The following CALN1 variants were observed in gnomAD, a reference collection of about 807,000 sequenced individuals.
CALN1 encodes calneuron 1.
In CALN1, 17 loss-of-function variants were observed where a neutral mutation model predicts 30.6. That is an observed-to-expected ratio of 0.56 (90% CI 0.38 to 0.83). The LOEUF (loss-of-function observed/expected upper bound fraction) is 0.83. CALN1 is among the 40% of genes least tolerant of loss of function. The pLI, the probability that CALN1 is intolerant of heterozygous loss-of-function variation, is 0.00. For synonymous variants in CALN1, 156 were observed against 131.4 expected (o/e 1.19, Z -1.28); for missense variants, 291 against 354.9 (o/e 0.82, Z 1.45).
At chr7:71,833,372 T>C (rs1789405367) in intron 5 of CALN1, among the ~76,000 whole-genome samples, 1 of 152,032 alleles carries the variant, frequency 6.6e-6, no homozygotes, top group Non-Finnish European at 1.5e-5. Context: ...CAAGGATGAG[T>C]GCACATTGTC....
intron 3 of CALN1, among the ~76,000 whole-genome samples, chr7:72,136,189 A>G (rs1323659033): frequency 2.3e-5 from 3 of 133,132 alleles, no homozygotes; most frequent in Admixed American, 7.6e-5. Flanking sequence ...TTTTTTCTGC[A>G]TTGAAAAATC....
intron 5 of CALN1, among the ~76,000 whole-genome samples, chr7:71,843,327 A>G (rs1790049575): frequency 6.6e-6 from 1 of 152,150 alleles, no homozygotes; most frequent in Non-Finnish European, 1.5e-5. Context: ...ACTAAGAGTA[A>G]AAAATTTTAG....
chr7:72,094,406 C>T (rs1461597161), intron 4 of CALN1, among the ~76,000 whole-genome samples: 2 of 152,064 alleles, frequency 1.3e-5, no homozygotes, highest in South Asian at 2.1e-4. Context: ...AGGCGCACAC[C>T]ACAACACCCA....
intron 6 of CALN1, among the ~76,000 whole-genome samples, chr7:71,807,707 A>T: frequency 6.6e-6 from 1 of 151,958 alleles, no homozygotes; most frequent in South Asian, 2.1e-4. Context: ...TGGGATGCTG[A>T]GGAGGGGGAA....
At chr7:72,494,414 C>T in the CALN1 span, among the ~76,000 whole-genome samples, 81 of 152,208 alleles carry the variant, frequency 5.3e-4, no homozygotes, top group Non-Finnish European at 1.0e-3. Flanking sequence ...GGCACCCACG[C>T]CGTGCCAGGC....
chr7:71,830,885 G>A (rs1289009151), intron 5 of CALN1, among the ~76,000 whole-genome samples: 2 of 152,152 alleles, frequency 1.3e-5, no homozygotes, highest in African/African-American at 2.4e-5. Flanking sequence ...CACATAAAAA[G>A]TTAAGGAGAA....
intron 2 of CALN1, among the ~76,000 whole-genome samples, chr7:72,378,234 T>C (rs1490231558): frequency 1.3e-5 from 2 of 152,184 alleles, no homozygotes; most frequent in Non-Finnish European, 2.9e-5. Context: ...TTACATTTTT[T>C]TGTGAATGAG....
intron 3 of CALN1, among the ~76,000 whole-genome samples, chr7:72,252,598 G>A (rs1368309458): frequency 7.8e-6 from 1 of 127,904 alleles, no homozygotes; most frequent in Admixed American, 8.0e-5. Context: ...GACAGAGCAA[G>A]ACCCTGTCTC....
At chr7:71,851,527 A>G (rs751928575) in intron 5 of CALN1, among the ~76,000 whole-genome samples, 31 of 151,956 alleles carry the variant, frequency 2.0e-4, no homozygotes, top group South Asian at 4.2e-4. Context: ...CAAAAAAGAA[A>G]AAAACAGTAT....
chr7:72,382,207 A>G (rs868622833), intron 2 of CALN1, among the ~76,000 whole-genome samples: 2 of 152,214 alleles, frequency 1.3e-5, no homozygotes, highest in African/African-American at 2.4e-5. Flanking sequence ...GCTGTGACCC[A>G]GTAATGGCTA....
chr7:72,299,806 A>T (rs1799131022), intron 2 of CALN1, among the ~76,000 whole-genome samples: 1 of 151,300 alleles, frequency 6.6e-6, no homozygotes, highest in Admixed American at 6.6e-5. Context: ...AAGTGCTAGC[A>T]TTACAGGCCT....
chr7:71,925,329 T>C (rs1019411802), intron 5 of CALN1, among the ~76,000 whole-genome samples: 2 of 152,104 alleles, frequency 1.3e-5, no homozygotes, highest in Non-Finnish European at 2.9e-5. Context: ...TTTATATTGA[T>C]TTGCCTTTCA....
intron 5 of CALN1, among the ~76,000 whole-genome samples, chr7:71,859,310 G>A (rs530953802): frequency 4.6e-5 from 7 of 152,198 alleles, no homozygotes; most frequent in Middle Eastern, 3.4e-3. Flanking sequence ...CAATCTGCCC[G>A]CCTCAGCCTC....
chr7:72,100,268 C>T (rs979465037), intron 4 of CALN1, among the ~76,000 whole-genome samples: 3 of 151,948 alleles, frequency 2.0e-5, no homozygotes, highest in African/African-American at 7.3e-5. Context: ...CAGCAATCCT[C>T]CTCCATCAGT....
At chr7:72,085,486 CTATT>C (rs66993534) in intron 4 of CALN1, among the ~76,000 whole-genome samples, 34,342 of 151,730 alleles carry the variant, frequency 0.23, 4,771 homozygotes, top group East Asian at 0.69. Context: ...TTTATTATAA[CTATT>C]TATGTATAGG....
At chr7:71,887,633 G>A (rs1039073209) in intron 5 of CALN1, among the ~76,000 whole-genome samples, 1 of 152,074 alleles carries the variant, frequency 6.6e-6, no homozygotes, top group African/African-American at 2.4e-5. Flanking sequence ...AAAGAGCTCT[G>A]GTAGCAAACA....
the CALN1 span, among the ~76,000 whole-genome samples, chr7:72,467,517 C>T: frequency 6.6e-6 from 1 of 152,092 alleles, no homozygotes; most frequent in Admixed American, 6.5e-5. Context: ...TGGCTGGTGG[C>T]GGTCTCTAGG....
At chr7:71,794,914 G>A (rs898970068) in intron 6 of CALN1, among the ~76,000 whole-genome samples, 11 of 152,180 alleles carry the variant, frequency 7.2e-5, no homozygotes, top group African/African-American at 2.2e-4. Flanking sequence ...ACTCTTCCCC[G>A]CTTCCTGGCT....
intron 1 of CALN1, among the ~76,000 whole-genome samples, chr7:72,435,078 T>TA (rs1808107492): frequency 1.3e-5 from 2 of 152,070 alleles, no homozygotes; most frequent in Admixed American, 6.5e-5. Context: ...ATGGTTTTTT[T>TA]AAAAAAATTA....
Sources: gnomAD v4.1 joint callset for allele counts (sites outside exome capture counted in the v4.1 genomes callset) on GRCh38, gnomAD v4.1.1 for gene constraint, MANE v1.5 for transcripts, NCBI Gene and HGNC (gene_info 2026-07-23, HGNC 2026-07-21) for gene names.